The following EPHA3 variants were observed in gnomAD, a reference collection of about 807,000 sequenced individuals.
EPHA3 encodes the protein ephrin type-A receptor 3.
EPHA3 carries 42 observed loss-of-function variants against 107.1 expected under a neutral mutation model. The observed-to-expected ratio is 0.39, with a 90% CI of 0.31 to 0.51. The LOEUF (loss-of-function observed/expected upper bound fraction) is 0.51, where lower values mean the gene tolerates loss of function less well. Ranked by LOEUF, EPHA3 falls within the 20% of genes least tolerant of loss-of-function variation. The pLI is 0.78. For missense variants in EPHA3, 1,183 were observed against 1,211.2 expected (o/e 0.98, Z 0.35); for synonymous variants, 461 against 424.8 (o/e 1.09, Z -1.05).
chr3:89,250,772 T>A (rs1576264869), intron 3 of EPHA3, among the ~76,000 whole-genome samples: 1 of 152,176 alleles, frequency 6.6e-6, no homozygotes, highest in South Asian at 2.1e-4. Flanking sequence ...GGATGTAAAA[T>A]CCTGCCATAT....
intron 2 of EPHA3, among the ~76,000 whole-genome samples, chr3:89,167,286 C>G (rs1473848144): frequency 6.6e-6 from 1 of 151,742 alleles, no homozygotes; most frequent in Non-Finnish European, 1.5e-5. Flanking sequence ...TACATTTTTT[C>G]AAATATAAAA....
chr3:89,373,816 T>C (rs1416088754), intron 5 of EPHA3, among the ~76,000 whole-genome samples: 2 of 151,826 alleles, frequency 1.3e-5, no homozygotes, highest in South Asian at 4.1e-4. Context: ...CATATTATAT[T>C]AACATAGAAC....
rs1710275905 is a variant in EPHA3, at chr3:89,466,414, G to A, written c.2691-6050G>A. Among the ~76,000 whole-genome samples, 3 of 114,072 alleles carry A rather than the reference G, an allele frequency of 2.6e-5. No homozygotes were observed. The South Asian group carries it at 7.6e-4, about 29-fold the overall frequency. The allele number at this position is 114,072 out of a possible 152,430, so 74.8% of individuals were successfully genotyped here. On this transcript the variant is annotated intron_variant, in intron 15 of 16. Coordinates refer to ENST00000336596, the MANE Select transcript of EPHA3 (RefSeq NM_005233.6). ...CCTAAGCAAGCCTGGGCAATGGCGG[G>A]CGCCCCTCCCCCAGCCTCGTTGCCG...
intron 5 of EPHA3, among the ~76,000 whole-genome samples, chr3:89,357,550 A>G (rs1707993895): frequency 6.6e-6 from 1 of 151,226 alleles, no homozygotes; most frequent in Non-Finnish European, 1.5e-5. Context: ...CCACCTAAGG[A>G]GGGCAATTGG....
chr3:89,242,983 C>A (rs1170627569), intron 3 of EPHA3, among the ~76,000 whole-genome samples: 2 of 148,120 alleles, frequency 1.4e-5, no homozygotes, highest in Non-Finnish European at 3.0e-5. Flanking sequence ...CAATTCCCAC[C>A]TATAAGTAAG....
chr3:89,394,774 G>A (rs1708815397), intron 5 of EPHA3, among the ~76,000 whole-genome samples: 1 of 152,142 alleles, frequency 6.6e-6, no homozygotes, highest in Non-Finnish European at 1.5e-5. Context: ...AAAAATAAGT[G>A]CTTTAACAAT....
At chr3:89,367,290 C>T (rs2107465726) in intron 5 of EPHA3, among the ~76,000 whole-genome samples, 1 of 150,504 alleles carries the variant, frequency 6.6e-6, no homozygotes, top group Non-Finnish European at 1.5e-5. Context: ...CCTTCTTTAC[C>T]TGTTCATTTC....
chr3:89,183,510 C>T (rs1705491034), intron 2 of EPHA3, among the ~76,000 whole-genome samples: 1 of 151,834 alleles, frequency 6.6e-6, no homozygotes, highest in African/African-American at 2.4e-5. Flanking sequence ...TATAAATCAC[C>T]TTTTGCCTCA....
At position 89,450,355 on chromosome 3, in the gene EPHA3, C is replaced by A. The variant is rs1709961922; in HGVS notation, c.2675C>A (p.Thr892Asn). ...IRNPGSLKII[T>N]SAAARPSNLL... Reference sequence around the variant, plus strand: ...AATCCCGGCAGCCTGAAGATCATCACCAGTGCAGCCGCAAGGTGACACATT... The same window carrying A: ...AATCCCGGCAGCCTGAAGATCATCAACAGTGCAGCCGCAAGGTGACACATT... The change falls in exon 15 of 17, where the codon ACC becomes AAC. Residue 892 changes from threonine to asparagine, a missense_variant. By Grantham distance (65) the Thr-to-Asn change is moderately conservative (BLOSUM62 0). Transcript: ENST00000336596. 1 of 1,613,044 alleles carries A rather than the reference C, an allele frequency of 6.2e-7. No individual in the cohort carries two copies. Among genetic ancestry groups the A allele is most frequent in the South Asian group, 1.1e-5 (1 of 90,852 alleles).
intron 3 of EPHA3, among the ~76,000 whole-genome samples, chr3:89,250,246 C>A (rs1705129398): frequency 6.6e-6 from 1 of 152,200 alleles, no homozygotes; most frequent in Non-Finnish European, 1.5e-5. Context: ...CCTCTATTAG[C>A]AAAGCTTCTT....
intron 3 of EPHA3, among the ~76,000 whole-genome samples, chr3:89,339,370 CA>C (rs10575384): frequency 0.041 from 4,395 of 106,482 alleles, 90 homozygotes; most frequent in African/African-American, 0.099. Flanking sequence ...GACTCCATCT[CA>C]AAAAAAAAAA....
chr3:89,208,458 G>GAAAGAAAC (rs1706172253), intron 2 of EPHA3, among the ~76,000 whole-genome samples: 1 of 113,886 alleles, frequency 8.8e-6, no homozygotes, highest in African/African-American at 4.2e-5. Flanking sequence ...AAGAAAGAAA[G>GAAAGAAAC]AAAGAAAGAA....
In EPHA3 at chr3:89,309,419, T is replaced by C. The variant is rs562053464; in HGVS notation, c.815-31497T>C. Among the ~76,000 whole-genome samples the C allele has an allele frequency of 3.2e-4, 48 of 152,234 alleles. No individual in the cohort carries two copies. The South Asian group carries it at 3.7e-3, about 12-fold the overall frequency. On this transcript the variant is annotated intron_variant, in intron 3 of 16. Transcript: ENST00000336596. ...TAACAAATGTGAGAGACATCACCTT[T>C]TATGGTGTCTAACATGTGAGAAGTA... is the stretch of plus-strand genomic sequence containing the variant.
intron 3 of EPHA3, among the ~76,000 whole-genome samples, chr3:89,317,262 AC>A (rs1484658094): frequency 6.6e-6 from 1 of 151,772 alleles, no homozygotes; most frequent in Non-Finnish European, 1.5e-5. Flanking sequence ...TGATAAACTC[AC>A]TAGGTTTATC....
chr3:89,363,833 A>G (rs1708140621), intron 5 of EPHA3, among the ~76,000 whole-genome samples: 1 of 150,744 alleles, frequency 6.6e-6, no homozygotes, highest in African/African-American at 2.4e-5. Context: ...ATTCTCTTTT[A>G]ATGGATCTTC....
chr3:89,319,943 A>AATG (rs1707004456), intron 3 of EPHA3, among the ~76,000 whole-genome samples: 1 of 151,972 alleles, frequency 6.6e-6, no homozygotes, highest in Admixed American at 6.6e-5. Context: ...AATGCTATAT[A>AATG]CAATAACAGA....
At chr3:89,210,568 G>A in intron 3 of EPHA3, 48 bp downstream of exon 3, 1 of 1,493,472 alleles carries the variant, frequency 6.7e-7, no homozygotes. Context: ...TCACCTATGA[G>A]TTTATCATAG....
intron 5 of EPHA3, among the ~76,000 whole-genome samples, chr3:89,360,520 C>A (rs1708071749): frequency 6.6e-6 from 1 of 150,962 alleles, no homozygotes; most frequent in Non-Finnish European, 1.5e-5. Context: ...TCATTTGGCG[C>A]TTCTCTTTCT....
chr3:89,262,963 C>CTTTTTTTT, intron 3 of EPHA3, among the ~76,000 whole-genome samples: 1 of 97,486 alleles, frequency 1.0e-5, no homozygotes, highest in Non-Finnish European at 2.1e-5. Context: ...TTACAGCGCT[C>CTTTTTTTT]TTTTTTTTTT....
Sources: gnomAD v4.1 joint callset for allele counts (sites outside exome capture counted in the v4.1 genomes callset) on GRCh38, gnomAD v4.1.1 for gene constraint, MANE v1.5 for transcripts, NCBI Gene and HGNC (gene_info 2026-07-23, HGNC 2026-07-21) for gene names.